The following HSD17B2 variants were observed in gnomAD, a reference collection of about 807,000 sequenced individuals.
HSD17B2 encodes the protein hydroxysteroid 17-beta dehydrogenase 2.
In HSD17B2, 32 loss-of-function variants were observed where a neutral mutation model predicts 26.9. That is an observed-to-expected ratio of 1.19 (90% confidence interval 0.90 to 1.60). The LOEUF (loss-of-function observed/expected upper bound fraction) is 1.60. HSD17B2 is among the 40% of genes most tolerant of loss of function. The probability of loss-of-function intolerance (pLI) is 0.00; values close to 1 mark genes in which losing one functional copy is unlikely to be tolerated. For missense variants in HSD17B2, 613 were observed against 468.6 expected (o/e 1.31, Z -2.85); for synonymous variants, 246 against 186.7 (o/e 1.32, Z -2.59).
chr16:82,088,832 C>A (rs1379486199), intron 3 of HSD17B2, among the ~76,000 whole-genome samples: 2 of 152,168 alleles, frequency 1.3e-5, no homozygotes, highest in African/African-American at 2.4e-5. Context: ...GCCTTGGGAC[C>A]TTTTGTGTTT....
At chr16:82,044,109 C>T (rs1009170583) in intron 1 of HSD17B2, among the ~76,000 whole-genome samples, 3 of 152,162 alleles carry the variant, frequency 2.0e-5, no homozygotes, top group Admixed American at 6.5e-5. Context: ...TCCTCTGAAC[C>T]ATTTCCAGTT....
intron 3 of HSD17B2, among the ~76,000 whole-genome samples, chr16:82,072,285 A>G (rs2143986819): frequency 6.6e-6 from 1 of 152,324 alleles, no homozygotes; most frequent in East Asian, 1.9e-4. Flanking sequence ...TGAGTATTAT[A>G]TTTTAGCTGT....
chr16:82,041,959 C>A (rs1913777318), intron 1 of HSD17B2, among the ~76,000 whole-genome samples: 1 of 151,678 alleles, frequency 6.6e-6, no homozygotes, highest in African/African-American at 2.4e-5. Context: ...AAAAATTTAT[C>A]ATCTCCTCTT....
chr16:82,095,376 AGT>A (rs1380177038), intron 4 of HSD17B2: 2 of 152,520 alleles, frequency 1.3e-5, no homozygotes, highest in African/African-American at 4.8e-5. Context: ...TACATTTCCA[AGT>A]GAGCATCCCT....
Position 82,068,346 on chromosome 16 carries a change from G to A in HSD17B2, c.442G>A (p.Ala148Thr). 1 of 1,613,628 alleles carries A rather than the reference G, an allele frequency of 6.2e-7. No individual in the cohort carries two copies. ...DITKPVQIKD[A>T]YSKVAAMLQD... ...CACGAAGCCAGTGCAGATAAAAGAT[G>A]CTTACAGCAAGGTTGCAGCAATGCT... The change falls in exon 2 of 5, where the codon GCT becomes ACT. Residue 148 changes from alanine (A) to threonine (T), a missense_variant. Ala to Thr is a moderately conservative substitution (Grantham distance 58, BLOSUM62 0). Transcript: ENST00000199936.
At position 82,068,383 on chromosome 16, in the gene HSD17B2, G is replaced by T. The variant is rs762583062; in HGVS notation, c.478+1G>T. On this transcript the variant is annotated splice_donor_variant, in intron 2 of 4. Coordinates refer to ENST00000199936, the MANE Select transcript of HSD17B2 (RefSeq NM_002153.3). LOFTEE classifies it high-confidence loss of function. Reference sequence around the variant, plus strand: ...GTTGCAGCAATGCTGCAGGACAGAGGTACTGCCGCCAGCACCCTCAGTGCC... The same window carrying T: ...GTTGCAGCAATGCTGCAGGACAGAGTTACTGCCGCCAGCACCCTCAGTGCC... The T allele has an allele frequency of 5.6e-6, 9 of 1,608,790 alleles. No homozygotes were observed. The highest frequency in any genetic ancestry group is 6.8e-6 in the Non-Finnish European group (8 of 1,178,146).
intron 1 of HSD17B2, among the ~76,000 whole-genome samples, chr16:82,065,190 G>A (rs1914541929): frequency 6.6e-6 from 1 of 152,224 alleles, no homozygotes; most frequent in African/African-American, 2.4e-5. Context: ...CAAAGTTCAT[G>A]ATTCTCAGGT....
chr16:82,066,254 G>C (rs1250876041), intron 1 of HSD17B2, among the ~76,000 whole-genome samples: 3 of 152,292 alleles, frequency 2.0e-5, no homozygotes, highest in African/African-American at 7.2e-5. Flanking sequence ...AGAGCTATTT[G>C]CTGGGCAATG....
At chr16:82,070,084 A>G (rs1254705275) in intron 2 of HSD17B2, among the ~76,000 whole-genome samples, 1 of 152,198 alleles carries the variant, frequency 6.6e-6, no homozygotes, top group African/African-American at 2.4e-5. Flanking sequence ...GTTATCTATC[A>G]GACATCTTCC....
At chr16:82,077,871 C>G (rs1041123794) in intron 3 of HSD17B2, among the ~76,000 whole-genome samples, 1 of 152,148 alleles carries the variant, frequency 6.6e-6, no homozygotes, top group Non-Finnish European at 1.5e-5. Flanking sequence ...ATCCCTGTCT[C>G]TTACCATATA....
At chr16:82,089,046 C>T (rs1904609181) in intron 3 of HSD17B2, among the ~76,000 whole-genome samples, 1 of 152,128 alleles carries the variant, frequency 6.6e-6, no homozygotes, top group Admixed American at 6.6e-5. Context: ...AATTACCTTC[C>T]AAAGGCCCCA....
intron 1 of HSD17B2, among the ~76,000 whole-genome samples, chr16:82,040,773 G>C (rs1913744488): frequency 6.6e-6 from 1 of 152,212 alleles, no homozygotes. Flanking sequence ...CATGTGCTAA[G>C]CTTGACTTCA....
At chr16:82,082,866 A>G (rs1473003061) in intron 3 of HSD17B2, among the ~76,000 whole-genome samples, 1 of 152,222 alleles carries the variant, frequency 6.6e-6, no homozygotes. Flanking sequence ...CTCATTTTTC[A>G]GTTATAAAAA....
intron 1 of HSD17B2, among the ~76,000 whole-genome samples, chr16:82,058,180 C>T (rs867047757): frequency 1.3e-5 from 2 of 151,862 alleles, no homozygotes; most frequent in African/African-American, 2.4e-5. Flanking sequence ...AGGTGATTCT[C>T]CCACCTCAGC....
chr16:82,060,486 C>T (rs1236173859), intron 1 of HSD17B2, among the ~76,000 whole-genome samples: 3 of 152,114 alleles, frequency 2.0e-5, no homozygotes, highest in Non-Finnish European at 2.9e-5. Flanking sequence ...GTGGGAATGC[C>T]GACTCATCTC....
intron 1 of HSD17B2, among the ~76,000 whole-genome samples, chr16:82,064,802 G>T (rs1455313239): frequency 6.6e-6 from 1 of 152,214 alleles, no homozygotes; most frequent in Non-Finnish European, 1.5e-5. Context: ...TCTGACCTCA[G>T]ACTCTGCTCT....
rs769608701 is a variant in HSD17B2 at position 82,070,955 on chromosome 16, G to T, written c.492G>T (p.Val164=). Residue 164 remains valine (V), a synonymous_variant, in exon 3 of 5, where the codon GTG becomes GTT. Transcript: ENST00000199936. ...TTCTGTCTCCAGGACTGTGGGCTGT[G>T]ATCAACAATGCTGGGGTGCTTGGCT... ...AMLQDRGLWA[V]INNAGVLGFP... 2 of 1,613,670 alleles carry T rather than the reference G, an allele frequency of 1.2e-6. No homozygotes were observed. The highest frequency in any genetic ancestry group is 2.2e-5 in the South Asian group (2 of 91,068).
intron 3 of HSD17B2, among the ~76,000 whole-genome samples, chr16:82,072,705 C>G (rs1896410504): frequency 1.3e-5 from 2 of 152,114 alleles, no homozygotes; most frequent in African/African-American, 4.8e-5. Flanking sequence ...TGAAGAAATG[C>G]AAGTGTATGA....
chr16:82,077,021 C>A (rs1904306030), intron 3 of HSD17B2, among the ~76,000 whole-genome samples: 1 of 152,050 alleles, frequency 6.6e-6, no homozygotes, highest in South Asian at 2.1e-4. Context: ...TTGAAGAGGA[C>A]ACAAAAGATT....
Sources: gnomAD v4.1 joint callset for allele counts (sites outside exome capture counted in the v4.1 genomes callset) on GRCh38, gnomAD v4.1.1 for gene constraint, MANE v1.5 for transcripts, NCBI Gene and HGNC (gene_info 2026-07-23, HGNC 2026-07-21) for gene names.